The following HSPA4 variants were observed in gnomAD, a reference collection of about 807,000 sequenced individuals.
The protein encoded by HSPA4 is heat shock protein family A (Hsp70) member 4.
HSPA4 carries 25 observed loss-of-function variants against 106.2 expected under a neutral mutation model. The ratio of observed to expected loss-of-function variants is 0.24; its 90% CI spans 0.17 to 0.33. The LOEUF (loss-of-function observed/expected upper bound fraction) is 0.33. Ranked by LOEUF, HSPA4 falls within the 10% of genes least tolerant of loss-of-function variation. HSPA4 has a pLI of 1.00. For missense variants in HSPA4, 841 were observed against 996.0 expected (o/e 0.84, Z 2.10); for synonymous variants, 332 against 333.6 (o/e 1.00, Z 0.05).
chr5:133,086,195 A>G (rs936259216), intron 7 of HSPA4, among the ~76,000 whole-genome samples: 3 of 152,214 alleles, frequency 2.0e-5, no homozygotes, highest in Non-Finnish European at 4.4e-5. Flanking sequence ...AGTCTGGGCA[A>G]TAGAGTTAGA....
In HSPA4 at chr5:133,086,219, A is replaced by G. The variant is rs535216367; in HGVS notation, c.909-563A>G. Among the ~76,000 whole-genome samples the G allele has an allele frequency of 8.5e-5, 13 of 152,236 alleles. 1 individual carries two copies. In the South Asian group the frequency reaches 2.5e-3, roughly 29 times the overall value. On this transcript the variant is annotated intron_variant, in intron 7 of 18. Coordinates refer to ENST00000304858, the MANE Select transcript of HSPA4 (RefSeq NM_002154.4). ...AATAGAGTTAGACCCTGTCTCAAAA[A>G]CAAACAAACAAAAAACAAACTCTGT...
chr5:133,077,008 T>C, intron 7 of HSPA4, 110 bp downstream of exon 7: 1 of 1,065,168 alleles, frequency 9.4e-7, no homozygotes, highest in Non-Finnish European at 1.3e-6. Context: ...ATGATAATTT[T>C]GGTTCTATTT....
chr5:133,106,169 G>A lies in HSPA4; in HGVS notation c.*1733G>A, dbSNP rs1355911364. ...GTGTGTGTGTGTGTGTGTGGGGAAG[G>A]GTGTGGGTGCTGGGATGGGGGTGAA... On this transcript the variant is annotated 3_prime_UTR_variant, in exon 19 of 19. Transcript: ENST00000304858. The A allele has an allele frequency of 7.7e-6, 1 of 130,244 alleles. No individual in the cohort carries two copies. The highest frequency in any genetic ancestry group is 8.2e-5 in the Admixed American group (1 of 12,230). 8.1% of individuals were successfully genotyped at this position (130,244 alleles called of 1,614,324 possible). A position where few individuals can be genotyped will look rare whatever the true frequency, so the allele number is the denominator to read the frequency against.
At chr5:133,090,696 T>C (rs1024550978) in intron 11 of HSPA4, among the ~76,000 whole-genome samples, 25 of 152,136 alleles carry the variant, frequency 1.6e-4, no homozygotes, top group Non-Finnish European at 3.2e-4. Context: ...TTTTTCCCCA[T>C]CTGTAAATCT....
In HSPA4 at chr5:133,106,088, T is replaced by C. The variant is rs1435725985; in HGVS notation, c.*1652T>C. On this transcript the variant is annotated 3_prime_UTR_variant, in exon 19 of 19. Coordinates refer to ENST00000304858, the MANE Select transcript of HSPA4 (RefSeq NM_002154.4). ...CCCAGACCGTAATGGCCATTTCTTC[T>C]TAAAAAAAAAAAAATTTTTTTTTTT... 1 of 122,484 alleles carries C rather than the reference T, an allele frequency of 8.2e-6. No homozygotes were observed. 7.6% of individuals were successfully genotyped at this position (122,484 alleles called of 1,614,324 possible). A position where few individuals can be genotyped will look rare whatever the true frequency, so the allele number is the denominator to read the frequency against.
intron 17 of HSPA4, 43 bp downstream of exon 17, chr5:133,101,921 C>CTTTTT (rs60177569): frequency 6.0e-5 from 43 of 719,574 alleles, no homozygotes; most frequent in African/African-American, 1.2e-4. Flanking sequence ...GTAAAGTTAA[C>CTTTTT]TTTTTTTTTT....
chr5:133,066,958 C>A (rs1031990725), intron 2 of HSPA4, among the ~76,000 whole-genome samples: 5 of 152,042 alleles, frequency 3.3e-5, no homozygotes, highest in Non-Finnish European at 5.9e-5. Context: ...TCAAATGAGG[C>A]CCTGGCTTCT....
chr5:133,101,608 G>T, intron 16 of HSPA4, 151 bp from the exon 17 acceptor site: 1 of 662,826 alleles, frequency 1.5e-6, no homozygotes. Context: ...CCCTCCTGAA[G>T]TAGCTTCATA....
chr5:133,052,495 C>T (rs1765094055), intron 1 of HSPA4, 138 bp downstream of exon 1: 5 of 608,844 alleles, frequency 8.2e-6, no homozygotes, highest in South Asian at 7.9e-5. Context: ...GGTCAGGGAC[C>T]CCCAGTAGGT....
rs1437475962 is a variant in HSPA4 at position 133,104,239 on chromosome 5, A to T, written c.2326A>T (p.Thr776Ser). Residue 776 changes from threonine to serine, a missense_variant, in exon 19 of 19, where the codon ACA becomes TCA. Transcript: ENST00000304858. ...TCTGTCTTACCCATTCCAGGAGCTG[A>T]CAAGTACTTGTAGCCCTATAATTTC... ...KEIEAKIKELTSTCSPIISKP... is the reference protein window; with the variant it reads ...KEIEAKIKELSSTCSPIISKP... The T allele has an allele frequency of 1.2e-5, 20 of 1,613,908 alleles. No individual in the cohort carries two copies. The highest frequency in any genetic ancestry group is 1.7e-5 in the Non-Finnish European group (20 of 1,179,850).
At chr5:133,086,484 C>T (rs893594145) in intron 7 of HSPA4, among the ~76,000 whole-genome samples, 15 of 152,180 alleles carry the variant, frequency 9.9e-5, no homozygotes, top group African/African-American at 3.1e-4. Flanking sequence ...TGCTTGTGAA[C>T]GTTGATATAC....
intron 3 of HSPA4, among the ~76,000 whole-genome samples, chr5:133,069,890 C>T (rs767161949): frequency 6.6e-5 from 10 of 152,072 alleles, no homozygotes; most frequent in Non-Finnish European, 1.0e-4. Flanking sequence ...ATAGGCTATG[C>T]GTGGTGGCTC....
chr5:133,091,777 G>C (rs1464476711), intron 12 of HSPA4, among the ~76,000 whole-genome samples: 1 of 152,152 alleles, frequency 6.6e-6, no homozygotes, highest in Non-Finnish European at 1.5e-5. Flanking sequence ...TATGATTCCA[G>C]CACTTTGGGA....
chr5:133,091,111 TAATC>T, intron 11 of HSPA4, 78 bp from the exon 12 acceptor site: 1 of 1,143,290 alleles, frequency 8.7e-7, no homozygotes, highest in Non-Finnish European at 1.3e-6. Flanking sequence ...AAAGTAGACA[TAATC>T]TAGCAATGTA....
At chr5:133,059,275 C>A (rs1765206218) in intron 1 of HSPA4, among the ~76,000 whole-genome samples, 1 of 151,598 alleles carries the variant, frequency 6.6e-6, no homozygotes, top group African/African-American at 2.4e-5. Flanking sequence ...TGGGGAAACC[C>A]TGTCTCTACT....
At chr5:133,055,128 GAA>G (rs1366471360) in intron 1 of HSPA4, among the ~76,000 whole-genome samples, 1 of 152,058 alleles carries the variant, frequency 6.6e-6, no homozygotes, top group East Asian at 1.9e-4. Flanking sequence ...ATTGTGATAA[GAA>G]AATTCCATTT....
intron 5 of HSPA4, among the ~76,000 whole-genome samples, chr5:133,073,554 T>C (rs1320802909): frequency 1.3e-5 from 2 of 152,166 alleles, no homozygotes; most frequent in Non-Finnish European, 1.5e-5. Context: ...AACACATGCT[T>C]GTTGGGGAAG....
rs1005851485 is a variant in HSPA4, at chr5:133,092,641, G to A, written c.1561-59G>A. ...TACATAACTATGTGACTTTGTCAATGTGTAATGAAGGTTGTTTAGTCTTCC... is the reference window on the plus strand; with the variant it reads ...TACATAACTATGTGACTTTGTCAATATGTAATGAAGGTTGTTTAGTCTTCC... On this transcript the variant is annotated intron_variant, in intron 12 of 18. Coordinates refer to ENST00000304858, the MANE Select transcript of HSPA4 (RefSeq NM_002154.4). 9.3e-6 allele frequency: 10 copies of A among 1,071,258 alleles called. No individual in the cohort carries two copies. In the African/African-American group the frequency reaches 1.2e-4, roughly 13 times the overall value. 66.4% of individuals were successfully genotyped at this position (1,071,258 alleles called of 1,614,324 possible).
rs1172337600 is a variant in HSPA4 at position 133,070,382 on chromosome 5, T to C, written c.315T>C (p.Tyr105=). The change falls in exon 4 of 19, where the codon TAT becomes TAC. Residue 105 remains tyrosine, a synonymous_variant. Coordinates refer to ENST00000304858, the MANE Select transcript of HSPA4 (RefSeq NM_002154.4). ...PTGLTGIKVT[Y]MEEERNFTTE... ...TTGTTGTTTTCTTGCAGGTGACATA[T>C]ATGGAGGAAGAGCGAAATTTTACCA... 6.2e-7 allele frequency: 1 copy of C among 1,610,498 alleles called. No homozygotes were observed. Among genetic ancestry groups the C allele is most frequent in the Middle Eastern group, 1.7e-4 (1 of 6,048 alleles).
Sources: gnomAD v4.1 joint callset for allele counts (sites outside exome capture counted in the v4.1 genomes callset) on GRCh38, gnomAD v4.1.1 for gene constraint, MANE v1.5 for transcripts, NCBI Gene and HGNC (gene_info 2026-07-23, HGNC 2026-07-21) for gene names.